Variants in TUSC3 observed in about 807,000 individuals in gnomAD.
TUSC3 encodes the protein tumor suppressor candidate 3, also known as dolichyl-diphosphooligosaccharide--protein glycosyltransferase subunit TUSC3.
A neutral mutation model predicts 44.8 loss-of-function variants in TUSC3; 45 were observed. That is an observed-to-expected ratio of 1.00 (90% CI 0.79 to 1.29). The LOEUF is 1.29. Among genes scored for constraint, TUSC3 ranks in the 50% most tolerant of loss-of-function variants. TUSC3 has a pLI of 0.00. For synonymous variants in TUSC3, 212 were observed against 152.9 expected (o/e 1.39, Z -2.85); for missense variants, 519 against 437.9 (o/e 1.19, Z -1.65).
chr8:15,729,194 GAT>G (rs1389795504), intron 6 of TUSC3, among the ~76,000 whole-genome samples: 1 of 152,134 alleles, frequency 6.6e-6, no homozygotes, highest in East Asian at 1.9e-4. Flanking sequence ...GTTAAACTCA[GAT>G]ATGTTAGTCA....
chr8:15,436,138 T>A (rs1460346822), intron 1 of TUSC3, among the ~76,000 whole-genome samples: 1 of 152,190 alleles, frequency 6.6e-6, no homozygotes, highest in East Asian at 1.9e-4. Flanking sequence ...GTTTCCTGAC[T>A]ATCCTCATGG....
intron 1 of TUSC3, among the ~76,000 whole-genome samples, chr8:15,549,357 A>G (rs1471755564): frequency 6.6e-6 from 1 of 151,374 alleles, no homozygotes. Context: ...TATTTTTAGT[A>G]GAGGCTGGGT....
intron 1 of TUSC3, among the ~76,000 whole-genome samples, chr8:15,423,969 G>GTTTTTGTTTTTTTTTTTT (rs1563247134): frequency 1.4e-5 from 1 of 70,362 alleles, no homozygotes; most frequent in African/African-American, 4.1e-5. Context: ...GTTTTGCTTT[G>GTTTTTGTTTTTTTTTTTT]TTTTTTTTTT....
intron 6 of TUSC3, among the ~76,000 whole-genome samples, chr8:15,725,409 A>G (rs932967077): frequency 3.3e-5 from 5 of 152,204 alleles, no homozygotes; most frequent in Admixed American, 1.3e-4. Context: ...GGCTGATAAT[A>G]TCAGGTTGGG....
chr8:15,548,800 A>G (rs1446491915), intron 1 of TUSC3, among the ~76,000 whole-genome samples: 1 of 151,786 alleles, frequency 6.6e-6, no homozygotes, highest in African/African-American at 2.4e-5. Context: ...CTTCTACCCT[A>G]TGTTTTAATA....
chr8:15,549,575 T>G (rs1042889860), intron 1 of TUSC3, among the ~76,000 whole-genome samples: 1 of 151,716 alleles, frequency 6.6e-6, no homozygotes, highest in East Asian at 1.9e-4. Flanking sequence ...TAACTTTTAT[T>G]TTTAGAATAT....
chr8:15,653,978 T>C (rs898251838), intron 3 of TUSC3, among the ~76,000 whole-genome samples: 2 of 152,124 alleles, frequency 1.3e-5, no homozygotes, highest in African/African-American at 4.8e-5. Context: ...TGAGGCTAGG[T>C]ATCTGATGAT....
chr8:15,449,222 AT>A (rs1800160689), intron 1 of TUSC3, among the ~76,000 whole-genome samples: 1 of 152,206 alleles, frequency 6.6e-6, no homozygotes, highest in South Asian at 2.1e-4. Context: ...AAATATACAT[AT>A]TCAGTAAGCT....
chr8:15,677,755 G>C (rs574633618), intron 6 of TUSC3, among the ~76,000 whole-genome samples: 2 of 152,202 alleles, frequency 1.3e-5, no homozygotes, highest in Non-Finnish European at 1.5e-5. Context: ...CCAGCAGTAG[G>C]CTTAGTGCAG....
At position 15,662,387 on chromosome 8, in the gene TUSC3, A is replaced by G. The variant is rs562202130; in HGVS notation, c.708+91A>G. On this transcript the variant is annotated intron_variant, in intron 5 of 10. Transcript: ENST00000503731. ...TTAACAAAATGAGCCAGATATAACT[A>G]TAATAGAACTTAAGTCTGAATGAGA... is the stretch of plus-strand genomic sequence containing the variant. 1.5e-5 allele frequency: 23 copies of G among 1,545,630 alleles called. No homozygotes were observed. The African/African-American group carries it at 1.8e-4, about 12-fold the overall frequency.
At chr8:15,582,276 G>A (rs535623837) in intron 1 of TUSC3, among the ~76,000 whole-genome samples, 10 of 152,296 alleles carry the variant, frequency 6.6e-5, no homozygotes, top group South Asian at 2.1e-4. Context: ...CTTCTGGGTC[G>A]CTCACGCTGG....
At chr8:15,734,208 A>T (rs1810840152) in intron 7 of TUSC3, among the ~76,000 whole-genome samples, 1 of 152,214 alleles carries the variant, frequency 6.6e-6, no homozygotes, top group African/African-American at 2.4e-5. Flanking sequence ...TGTAGAGAGA[A>T]CATTTCTATC....
In TUSC3 at chr8:15,573,218, A is replaced by C. The variant is rs866659808; in HGVS notation, c.138+32650A>C. Among the ~76,000 whole-genome samples, 45 of 139,470 alleles carry C rather than the reference A, an allele frequency of 3.2e-4. 1 individual carries two copies. Among genetic ancestry groups the C allele is most frequent in the African/African-American group, 1.2e-3 (43 of 36,320 alleles). 91.5% of individuals were successfully genotyped at this position (139,470 alleles called of 152,430 possible). A position where few individuals can be genotyped will look rare whatever the true frequency, so the allele number is the denominator to read the frequency against. ...TCTCTCTCTCTATATATATATATAT[A>C]TATATATATATAAAAGTTTTTTTTT... On this transcript the variant is annotated intron_variant, in intron 1 of 10. Coordinates refer to ENST00000503731, the MANE Select transcript of TUSC3 (RefSeq NM_006765.4).
intron 7 of TUSC3, among the ~76,000 whole-genome samples, chr8:15,738,821 A>ATCTTTCTTTTTTTTTT (rs1412644496): frequency 1.1e-5 from 1 of 93,380 alleles, no homozygotes; most frequent in African/African-American, 3.8e-5. Context: ...CTATTAATAT[A>ATCTTTCTTTTTTTTTT]TCTTGCTTTT....
At chr8:15,847,815 G>C in the TUSC3 span, among the ~76,000 whole-genome samples, 5 of 152,214 alleles carry the variant, frequency 3.3e-5, no homozygotes, top group Middle Eastern at 3.4e-3. Flanking sequence ...TCTAACACAA[G>C]ACCTGGAACC....
chr8:15,742,526 G>C lies in TUSC3; in HGVS notation c.863-1012G>C, dbSNP rs1227657552. Among the ~76,000 whole-genome samples the C allele has an allele frequency of 2.0e-5, 3 of 152,290 alleles. No individual in the cohort carries two copies. In the East Asian group the frequency reaches 5.8e-4, roughly 29 times the overall value. The stretch of plus-strand genomic sequence containing the variant: ...AAGACTCAGAGAGGAAATGTTCTGT[G>C]CAGAATTTTCTCTGACCTCCTCCAC... On this transcript the variant is annotated intron_variant, in intron 7 of 10. Transcript: ENST00000503731.
At chr8:15,567,379 T>C (rs1802715536) in intron 1 of TUSC3, among the ~76,000 whole-genome samples, 1 of 152,158 alleles carries the variant, frequency 6.6e-6, no homozygotes, top group East Asian at 1.9e-4. Context: ...TCATCAAATA[T>C]TAGCATAAGA....
At chr8:15,826,612 T>G in the TUSC3 span, among the ~76,000 whole-genome samples, 1 of 152,142 alleles carries the variant, frequency 6.6e-6, no homozygotes, top group Non-Finnish European at 1.5e-5. Context: ...GCTGCTACCT[T>G]TTCTGGAAAT....
At chr8:15,615,004 C>T (rs994326453) in intron 1 of TUSC3, among the ~76,000 whole-genome samples, 1 of 149,978 alleles carries the variant, frequency 6.7e-6, no homozygotes, top group African/African-American at 2.4e-5. Flanking sequence ...CTTGTACACT[C>T]ATCGTGGGAA....
Sources: gnomAD v4.1 joint callset for allele counts (sites outside exome capture counted in the v4.1 genomes callset) on GRCh38, gnomAD v4.1.1 for gene constraint, MANE v1.5 for transcripts, NCBI Gene and HGNC (gene_info 2026-07-23, HGNC 2026-07-21) for gene names.